PARD3B: variants seen among roughly 807,000 people sequenced by gnomAD.
The protein encoded by PARD3B is par-3 family cell polarity regulator beta.
PARD3B carries 103 observed loss-of-function variants against 130.2 expected under a neutral mutation model. The observed-to-expected ratio is 0.79, with a 90% CI of 0.67 to 0.93. The LOEUF (loss-of-function observed/expected upper bound fraction) is 0.93, where lower values mean the gene tolerates loss of function less well. Ranked by LOEUF, PARD3B falls within the 40% of genes least tolerant of loss-of-function variation. PARD3B has a pLI of 0.00. For missense variants in PARD3B, 1,609 were observed against 1,499.2 expected (o/e 1.07, Z -1.21); for synonymous variants, 583 against 553.2 (o/e 1.05, Z -0.76).
chr2:205,447,704 G>C lies in PARD3B; in HGVS notation c.3044+7032G>C, dbSNP rs560512054. Among the ~76,000 whole-genome samples the C allele has an allele frequency of 9.8e-4, 149 of 152,292 alleles. 2 individuals carry two copies. Among genetic ancestry groups the C allele is most frequent in the Middle Eastern group, 3.4e-3 (1 of 294 alleles). On this transcript the variant is annotated intron_variant, in intron 20 of 22. Coordinates refer to ENST00000406610, the MANE Select transcript of PARD3B (RefSeq NM_001302769.2). Reference sequence around the variant, plus strand: ...TTTAACAGTATCTTAAAGTTGGCTAGCACCTTCAGTGGTCAAGCCTCACGT... The same window carrying C: ...TTTAACAGTATCTTAAAGTTGGCTACCACCTTCAGTGGTCAAGCCTCACGT...
intron 3 of PARD3B, among the ~76,000 whole-genome samples, chr2:204,992,394 G>A (rs1222362242): frequency 6.5e-5 from 7 of 107,748 alleles, no homozygotes; most frequent in Middle Eastern, 4.1e-3. Context: ...TTGTAGGTAC[G>A]TGGCGTTATT....
At chr2:205,355,140 T>C (rs901064199) in intron 18 of PARD3B, among the ~76,000 whole-genome samples, 2 of 152,296 alleles carry the variant, frequency 1.3e-5, no homozygotes. Context: ...TGCTCACCAT[T>C]GGATTAATAC....
At chr2:205,319,041 A>G (rs1158117722) in intron 18 of PARD3B, among the ~76,000 whole-genome samples, 2 of 152,076 alleles carry the variant, frequency 1.3e-5, no homozygotes, top group Non-Finnish European at 2.9e-5. Flanking sequence ...CCTCTCACAT[A>G]TATGGCCTCA....
In PARD3B at chr2:204,799,301, G is replaced by A. The variant is rs2042482089; in HGVS notation, c.222+113019G>A. Reference sequence around the variant, plus strand: ...TCCCTCTGCATGAAGAAAGGACAGGGAAGAGTGGGGAGGACTTTGTCATGT... The same window carrying A: ...TCCCTCTGCATGAAGAAAGGACAGGAAAGAGTGGGGAGGACTTTGTCATGT... On this transcript the variant is annotated intron_variant, in intron 2 of 22. Coordinates refer to ENST00000406610, the MANE Select transcript of PARD3B (RefSeq NM_001302769.2). The surrounding 1 kb of genome is among the most constrained non-coding windows in gnomAD (Gnocchi z 4.1). 6.6e-6 allele frequency among the ~76,000 whole-genome samples: 1 copy of A among 152,198 alleles called. No individual in the cohort carries two copies. Among genetic ancestry groups the A allele is most frequent in the Admixed American group, 6.5e-5 (1 of 15,288 alleles).
chr2:205,418,315 C>T (rs2046850427), intron 19 of PARD3B, among the ~76,000 whole-genome samples: 1 of 152,034 alleles, frequency 6.6e-6, no homozygotes, highest in Admixed American at 6.6e-5. Flanking sequence ...ATTTTTTTGG[C>T]CTGAACTCTT....
chr2:205,381,400 C>G (rs957591084), intron 18 of PARD3B, among the ~76,000 whole-genome samples: 2 of 150,916 alleles, frequency 1.3e-5, no homozygotes, highest in East Asian at 3.9e-4. Flanking sequence ...CATAATAGAT[C>G]TGCTAATTAC....
chr2:204,857,061 T>C (rs2044976307), intron 2 of PARD3B, among the ~76,000 whole-genome samples: 2 of 152,258 alleles, frequency 1.3e-5, no homozygotes, highest in Middle Eastern at 6.8e-3. Context: ...CCACTCCACT[T>C]TTAAATTTAA....
chr2:205,556,253 C>G (rs2052880147), intron 22 of PARD3B, among the ~76,000 whole-genome samples: 2 of 152,296 alleles, frequency 1.3e-5, no homozygotes, highest in East Asian at 1.9e-4. Flanking sequence ...ACTTAATATG[C>G]TACTGACTGA....
chr2:205,571,379 C>T (rs1409600751), intron 22 of PARD3B, among the ~76,000 whole-genome samples: 1 of 152,200 alleles, frequency 6.6e-6, no homozygotes, highest in Non-Finnish European at 1.5e-5. Flanking sequence ...TAACAAGCTG[C>T]TCACTGTCTT....
chr2:204,845,671 A>G (rs1269643505), intron 2 of PARD3B, among the ~76,000 whole-genome samples: 1 of 152,218 alleles, frequency 6.6e-6, no homozygotes, highest in Non-Finnish European at 1.5e-5. Context: ...AACCTTACAT[A>G]GGAGACCCCA....
intron 5 of PARD3B, among the ~76,000 whole-genome samples, chr2:205,110,638 TTTG>T (rs748758741): frequency 7.9e-6 from 1 of 126,548 alleles, no homozygotes; most frequent in Non-Finnish European, 1.8e-5. Flanking sequence ...TTTTTTGTTT[TTTG>T]TTTTTTTTGT....
rs111735430 is a variant in PARD3B at position 204,890,256 on chromosome 2, A to G, written c.223-74896A>G. Among the ~76,000 whole-genome samples, 18 of 152,334 alleles carry G rather than the reference A, an allele frequency of 1.2e-4. 1 individual carries two copies. Among genetic ancestry groups the G allele is most frequent in the African/African-American group, 3.8e-4 (16 of 41,580 alleles). The stretch of plus-strand genomic sequence containing the variant: ...AAGGTATGCTTTGGTTCAGAACTGC[A>G]TACATAGTAGGCATTTTATAAATAC... On this transcript the variant is annotated intron_variant, in intron 2 of 22. Coordinates refer to ENST00000406610, the MANE Select transcript of PARD3B (RefSeq NM_001302769.2). The surrounding 1 kb of genome is among the most constrained non-coding windows in gnomAD (Gnocchi z 4.9).
Position 205,385,354 on chromosome 2 carries a change from T to C in PARD3B, c.2631-15659T>C, listed in dbSNP as rs540404822. Among the ~76,000 whole-genome samples the C allele has an allele frequency of 3.3e-5, 5 of 152,262 alleles. No homozygotes were observed. The South Asian group carries it at 6.2e-4, about 19-fold the overall frequency. On this transcript the variant is annotated intron_variant, in intron 18 of 22. Coordinates refer to ENST00000406610, the MANE Select transcript of PARD3B (RefSeq NM_001302769.2). ...GTTTGACTGATTTGGAAAAGAACAA[T>C]ATGCAGTGTGAAATCTTAACAAAAA...
At chr2:204,868,482 C>A (rs905793656) in intron 2 of PARD3B, among the ~76,000 whole-genome samples, 2 of 152,050 alleles carry the variant, frequency 1.3e-5, no homozygotes, top group South Asian at 2.1e-4. Context: ...ACACCCATGC[C>A]TTAGTTGTAG....
At chr2:204,754,761 G>A (rs1041717552) in intron 2 of PARD3B, among the ~76,000 whole-genome samples, 5 of 152,070 alleles carry the variant, frequency 3.3e-5, no homozygotes, top group Non-Finnish European at 7.4e-5. Flanking sequence ...TTGACCATTT[G>A]GTTTACCTCT....
At chr2:205,486,608 G>A (rs1253082583) in intron 20 of PARD3B, among the ~76,000 whole-genome samples, 1 of 152,194 alleles carries the variant, frequency 6.6e-6, no homozygotes, top group African/African-American at 2.4e-5. Context: ...CAAAGGGGAA[G>A]CAGGCACATC....
intron 21 of PARD3B, among the ~76,000 whole-genome samples, chr2:205,505,395 T>TA (rs1030114685): frequency 8.2e-5 from 12 of 146,904 alleles, no homozygotes; most frequent in African/African-American, 3.2e-4. Flanking sequence ...AATAAAAAAA[T>TA]AAAATAAAAT....
rs895624295 is a variant in PARD3B, at chr2:204,887,669, C to T, written c.223-77483C>T. 7.2e-5 allele frequency among the ~76,000 whole-genome samples: 11 copies of T among 152,106 alleles called. No individual in the cohort carries two copies. The highest frequency in any genetic ancestry group is 3.9e-4 in the Admixed American group (6 of 15,260). The stretch of plus-strand genomic sequence containing the variant: ...TAACAGAGCACTATTCTATATGCAG[C>T]GCCATTTCATACCCTTTGGGTATTT... On this transcript the variant is annotated intron_variant, in intron 2 of 22. Transcript: ENST00000406610. This position sits in a 1 kb window ranked among gnomAD's most constrained non-coding sequence, Gnocchi z 4.2.
intron 2 of PARD3B, among the ~76,000 whole-genome samples, chr2:204,824,751 AT>A (rs1027007561): frequency 6.6e-6 from 1 of 152,198 alleles, no homozygotes; most frequent in Non-Finnish European, 1.5e-5. Context: ...TTGTAAATAT[AT>A]TTCTATTTAG....
Sources: gnomAD v4.1 joint callset for allele counts (sites outside exome capture counted in the v4.1 genomes callset) on GRCh38, gnomAD v4.1.1 for gene constraint, Gnocchi (gnomAD v3.1) non-coding constraint, MANE v1.5 for transcripts, NCBI Gene and HGNC (gene_info 2026-07-23, HGNC 2026-07-21) for gene names.